Variants in EPHA5 observed in about 807,000 individuals in gnomAD.
EPHA5 encodes the protein EPH receptor A5.
EPHA5 carries 60 observed loss-of-function variants against 105.0 expected under a neutral mutation model. The ratio of observed to expected loss-of-function variants is 0.57; its 90% CI spans 0.46 to 0.71. EPHA5 has a LOEUF of 0.71. EPHA5 is among the 30% of genes least tolerant of loss of function. The pLI is 0.00. For synonymous variants in EPHA5, 513 were observed against 449.1 expected, an observed-to-expected ratio of 1.14 and a Z score of -1.80; for missense variants, 1,218 against 1,274.7, an observed-to-expected ratio of 0.96 and a Z score of 0.68.
At chr4:65,331,952 A>T (rs1194750140) in intron 16 of EPHA5, 21 bp downstream of exon 16, 2 of 1,573,668 alleles carry the variant, frequency 1.3e-6, no homozygotes, top group Non-Finnish European at 1.7e-6. Flanking sequence ...TTATGTAAAA[A>T]TTATCAGAAA....
At chr4:65,522,988 AG>A (rs1224030203) in intron 3 of EPHA5, among the ~76,000 whole-genome samples, 1 of 151,970 alleles carries the variant, frequency 6.6e-6, no homozygotes, top group Non-Finnish European at 1.5e-5. Flanking sequence ...AGGTGGTGAA[AG>A]GTACAAAGAA....
At chr4:65,513,325 T>A (rs1243034406) in intron 3 of EPHA5, among the ~76,000 whole-genome samples, 1 of 152,196 alleles carries the variant, frequency 6.6e-6, no homozygotes, top group Non-Finnish European at 1.5e-5. Flanking sequence ...AAATTATTCC[T>A]AATTCTGATG....
chr4:65,339,316 G>C (rs540750741), intron 14 of EPHA5, among the ~76,000 whole-genome samples: 28 of 151,996 alleles, frequency 1.8e-4, no homozygotes, highest in African/African-American at 6.3e-4. Context: ...GTTTTGAAAG[G>C]CTTTATTCAC....
At chr4:65,529,256 G>T (rs776121802) in intron 3 of EPHA5, among the ~76,000 whole-genome samples, 1 of 152,006 alleles carries the variant, frequency 6.6e-6, no homozygotes, top group Non-Finnish European at 1.5e-5. Flanking sequence ...CCAAACAGTG[G>T]TCTAATGTTT....
At chr4:65,365,666 TA>T (rs1560457999) in intron 10 of EPHA5, among the ~76,000 whole-genome samples, 5 of 96,214 alleles carry the variant, frequency 5.2e-5, no homozygotes, top group East Asian at 2.8e-4. Context: ...TATATATATA[TA>T]TATATATATA....
intron 16 of EPHA5, among the ~76,000 whole-genome samples, chr4:65,328,438 C>T (rs1412982101): frequency 6.6e-6 from 1 of 151,140 alleles, no homozygotes; most frequent in Non-Finnish European, 1.5e-5. Context: ...CTTAATTATT[C>T]AGGCTTAAAT....
At chr4:65,487,814 T>A (rs749779676) in intron 5 of EPHA5, among the ~76,000 whole-genome samples, 1 of 152,222 alleles carries the variant, frequency 6.6e-6, no homozygotes, top group Non-Finnish European at 1.5e-5. Context: ...CCTGCTTAGC[T>A]GGCTCTATGT....
chr4:65,493,539 TACAC>T (rs1016235271), intron 4 of EPHA5, among the ~76,000 whole-genome samples: 1 of 152,130 alleles, frequency 6.6e-6, no homozygotes, highest in African/African-American at 2.4e-5. Context: ...ACTAAAAACA[TACAC>T]ACACACTCAT....
chr4:65,400,148 A>G (rs1446970616), intron 8 of EPHA5, among the ~76,000 whole-genome samples: 1 of 152,218 alleles, frequency 6.6e-6, no homozygotes, highest in Non-Finnish European at 1.5e-5. Context: ...AGACTGGTCA[A>G]TTAAACATTT....
In EPHA5 at chr4:65,321,930, T is replaced by A. The variant is rs1373267025; in HGVS notation, c.*2184A>T. ...CTCAGTTGTTACTTTATCACTTAGATTGGAATATTTCTATAAAATTCAATA... is the reference window on the plus strand; with the variant it reads ...CTCAGTTGTTACTTTATCACTTAGAATGGAATATTTCTATAAAATTCAATA... On this transcript the variant is annotated 3_prime_UTR_variant, in exon 17 of 17. Transcript: ENST00000613740. 1 of 225,780 alleles carries A rather than the reference T, an allele frequency of 4.4e-6. No homozygotes were observed. The highest frequency in any genetic ancestry group is 2.2e-5 in the African/African-American group (1 of 44,958). The allele number at this position is 225,780 out of a possible 1,614,324, so 14.0% of individuals were successfully genotyped here.
chr4:65,334,485 T>A (rs1379574304), intron 15 of EPHA5, among the ~76,000 whole-genome samples: 1 of 151,820 alleles, frequency 6.6e-6, no homozygotes, highest in African/African-American at 2.4e-5. Context: ...AGGAGAAAAA[T>A]TCAAGATATT....
At chr4:65,452,304 C>T (rs1011528302) in intron 5 of EPHA5, among the ~76,000 whole-genome samples, 15 of 151,916 alleles carry the variant, frequency 9.9e-5, no homozygotes, top group African/African-American at 3.4e-4. Flanking sequence ...AATAGATTAA[C>T]GCATTTATTT....
chr4:65,338,055 T>C (rs1313431453), intron 14 of EPHA5, among the ~76,000 whole-genome samples: 3 of 152,098 alleles, frequency 2.0e-5, no homozygotes, highest in Non-Finnish European at 2.9e-5. Context: ...TTAAAATTTA[T>C]ACATATTGAG....
intron 2 of EPHA5, among the ~76,000 whole-genome samples, chr4:65,602,916 T>C (rs896326279): frequency 7.9e-5 from 12 of 152,152 alleles, no homozygotes; most frequent in African/African-American, 2.9e-4. Context: ...TATTCAGGAC[T>C]CTCACAAATT....
chr4:65,465,921 C>T (rs751849195), intron 5 of EPHA5, among the ~76,000 whole-genome samples: 3 of 152,198 alleles, frequency 2.0e-5, no homozygotes, highest in Non-Finnish European at 2.9e-5. Flanking sequence ...CAATTCTTGG[C>T]ATTTGACGAT....
At chr4:65,396,317 T>G (rs999617903) in intron 8 of EPHA5, among the ~76,000 whole-genome samples, 2 of 152,192 alleles carry the variant, frequency 1.3e-5, no homozygotes, top group Non-Finnish European at 2.9e-5. Flanking sequence ...AGGGGAATAT[T>G]GTAAAGTATT....
intron 3 of EPHA5, among the ~76,000 whole-genome samples, chr4:65,565,072 A>T (rs1183308343): frequency 6.6e-6 from 1 of 151,696 alleles, no homozygotes; most frequent in African/African-American, 2.4e-5. Context: ...GATATTTCAC[A>T]GCAGTCACTT....
intron 5 of EPHA5, among the ~76,000 whole-genome samples, chr4:65,445,757 T>C (rs765591994): frequency 1.3e-5 from 2 of 152,142 alleles, no homozygotes; most frequent in Non-Finnish European, 2.9e-5. Flanking sequence ...AATATTAATT[T>C]TGGTTCAAAT....
At chr4:65,595,389 C>T (rs890228888) in intron 3 of EPHA5, among the ~76,000 whole-genome samples, 1 of 151,814 alleles carries the variant, frequency 6.6e-6, no homozygotes, top group East Asian at 1.9e-4. Flanking sequence ...CAGTTTTGTA[C>T]TTCTAACAAA....
Sources: allele counts gnomAD v4.1 joint callset (sites outside exome capture counted in the v4.1 genomes callset), GRCh38; gene constraint gnomAD v4.1.1; transcripts MANE v1.5; gene names NCBI Gene and HGNC (gene_info 2026-07-23, HGNC 2026-07-21).